Variants in TEAD2 observed in about 807,000 individuals in gnomAD.
The protein encoded by TEAD2 is transcriptional enhancer factor TEF-4.
A neutral mutation model predicts 61.4 loss-of-function variants in TEAD2; 51 were observed. The ratio of observed to expected loss-of-function variants is 0.83; its 90% CI spans 0.66 to 1.05. TEAD2 has a LOEUF of 1.05. Among genes scored for constraint, TEAD2 ranks in the 50% least tolerant of loss-of-function variants. TEAD2 has a pLI of 0.00. For synonymous variants in TEAD2, 244 were observed against 243.2 expected (o/e 1.00, Z -0.03); for missense variants, 509 against 600.0 (o/e 0.85, Z 1.58).
Position 49,342,543 on chromosome 19 carries a change from C to A in TEAD2, c.1137G>T (p.Leu379=). The A allele has an allele frequency of 6.2e-7, 1 of 1,614,058 alleles. No individual in the cohort carries two copies. ...LEDGRFVYRL[L]RSPMCEYLVN... ...CCAGGTACTCGCACATGGGCGAGCG[C>A]AGCAGGCGGTACACAAATCTGCCGT... The change falls in exon 12 of 13, where the codon CTG becomes CTT. Residue 379 remains leucine, a synonymous_variant. Coordinates refer to ENST00000593945, the MANE Select transcript of TEAD2 (RefSeq NM_001256660.2).
At chr19:49,358,048 C>T (rs2146600746) in intron 3 of TEAD2, among the ~76,000 whole-genome samples, 1 of 152,162 alleles carries the variant, frequency 6.6e-6, no homozygotes, top group South Asian at 2.1e-4. Flanking sequence ...GCCTGCCCAG[C>T]ATGGCGATAC....
chr19:49,355,483 G>T, intron 5 of TEAD2, 64 bp from the exon 6 acceptor site: 1 of 1,395,614 alleles, frequency 7.2e-7, no homozygotes, highest in Non-Finnish European at 1.0e-6. Flanking sequence ...AGAGGGGGAT[G>T]GTGCCAGGGT....
chr19:49,342,551 G>T lies in TEAD2; in HGVS notation c.1129C>A (p.Arg377Ser), dbSNP rs746687889. Residue 377 changes from arginine (R) to serine (S), a missense_variant, in exon 12 of 13, where the codon CGC (arginine) becomes AGC (serine). By Grantham distance (110) the Arg-to-Ser change is moderately radical. Transcript: ENST00000593945. ...AQLEDGRFVY[R>S]LLRSPMCEYL... is the part of the protein sequence containing the mutation. ...TCGCACATGGGCGAGCGCAGCAGGC[G>T]GTACACAAATCTGCCGTCCTCCAGC... The T allele has an allele frequency of 3.1e-6, 5 of 1,613,970 alleles. No homozygotes were observed. The highest frequency in any genetic ancestry group is 3.4e-6 in the Non-Finnish European group (4 of 1,179,924).
In TEAD2 at chr19:49,348,783, G is replaced by T. The variant is rs1345394177; in HGVS notation, c.667C>A (p.Gln223Lys). The T allele has an allele frequency of 1.9e-6, 3 of 1,612,840 alleles. No homozygotes were observed. The highest frequency in any genetic ancestry group is 1.1e-5 in the South Asian group (1 of 90,932). Residue 223 changes from glutamine to lysine, a missense_variant, in exon 9 of 13, where the codon CAG becomes AAG. Gln to Lys is a moderately conservative substitution (Grantham distance 53, BLOSUM62 1). Coordinates refer to ENST00000593945, the MANE Select transcript of TEAD2 (RefSeq NM_001256660.2). ...CGGGCGGTGCCCAGGCCCCGAGCCTGCCAGGCTGGGGGCGATGGGGTAGGT... is the reference window on the plus strand; with the variant it reads ...CGGGCGGTGCCCAGGCCCCGAGCCTTCCAGGCTGGGGGCGATGGGGTAGGT... Reference protein sequence around the residue: ...PPPTPSPPAWQARGLGTARLQ... With the variant: ...PPPTPSPPAWKARGLGTARLQ...
At position 49,357,313 on chromosome 19, in the gene TEAD2, A is replaced by G; in HGVS notation, c.299T>C (p.Val100Ala). 1 of 1,613,652 alleles carries G rather than the reference A, an allele frequency of 6.2e-7. No individual in the cohort carries two copies. Among genetic ancestry groups the G allele is most frequent in the South Asian group, 1.1e-5 (1 of 91,002 alleles). Reference sequence around the variant, plus strand: ...GGCCAAAACCTGGATGTGACTAGAAACCTGGAAGGATCAACGGAGAAGCAG... The same window carrying G: ...GGCCAAAACCTGGATGTGACTAGAAGCCTGGAAGGATCAACGGAGAAGCAG... Reference protein sequence around the residue: ...RTGKTRTRKQVSSHIQVLARR... With the variant: ...RTGKTRTRKQASSHIQVLARR... The change falls in exon 4 of 13, where the codon GTT becomes GCT. Residue 100 changes from valine to alanine, a missense_variant and splice_region_variant. Transcript: ENST00000593945.
intron 12 of TEAD2, 90 bp downstream of exon 12, chr19:49,342,348 G>T: frequency 6.6e-7 from 1 of 1,512,952 alleles, no homozygotes; most frequent in Non-Finnish European, 9.0e-7. Context: ...GTCAGTTCCT[G>T]GGTGAGGAGA....
chr19:49,341,441 C>T lies in TEAD2; in HGVS notation c.1243-4G>A, dbSNP rs1440278699. ...GGGTGTCTCTGTTTGTCACCACCTG[C>T]CAGGAAGGCCAGGACAAGGGACTTA... On this transcript the variant is annotated splice_polypyrimidine_tract_variant and splice_region_variant and intron_variant, in intron 12 of 12. Coordinates refer to ENST00000593945, the MANE Select transcript of TEAD2 (RefSeq NM_001256660.2). This position sits in a 1 kb window ranked among gnomAD's most constrained non-coding sequence, Gnocchi z 4.2. 6.2e-7 allele frequency: 1 copy of T among 1,612,198 alleles called. No homozygotes were observed. Among genetic ancestry groups the T allele is most frequent in the African/African-American group, 1.3e-5 (1 of 74,848 alleles).
chr19:49,361,207 G>GACAGAGACCCAGGGAGAGAGGGGA (rs1972887962), intron 1 of TEAD2, among the ~76,000 whole-genome samples: 1 of 100,116 alleles, frequency 1.0e-5, no homozygotes, highest in Non-Finnish European at 1.8e-5. Context: ...CAGAGAGGGA[G>GACAGAGACCCAGGGAGAGAGGGGA]ACAGAGACCC....
In TEAD2 at chr19:49,359,376, G is replaced by C. The variant is rs1228915823; in HGVS notation, c.297+59C>G. The C allele has an allele frequency of 5.2e-6, 8 of 1,545,478 alleles. No homozygotes were observed. Among genetic ancestry groups the C allele is most frequent in the Non-Finnish European group, 5.4e-6 (6 of 1,119,510 alleles). On this transcript the variant is annotated intron_variant, in intron 3 of 12. Coordinates refer to ENST00000593945, the MANE Select transcript of TEAD2 (RefSeq NM_001256660.2). The surrounding 1 kb of genome is among the most constrained non-coding windows in gnomAD (Gnocchi z 4.1). ...CTTGAACCTGAACCTGCCCATGCGA[G>C]GATGACCCTAAGAAGACCGGCCCAT...
intron 9 of TEAD2, among the ~76,000 whole-genome samples, chr19:49,347,756 C>T (rs1160949262): frequency 1.3e-5 from 2 of 152,168 alleles, no homozygotes; most frequent in Non-Finnish European, 2.9e-5. Context: ...GGGCAAAGCT[C>T]ACACCCCCTA....
Position 49,360,964 on chromosome 19 carries a change from AGGGGACAGAGACCCAGAGAGAGAG to A in TEAD2, c.-6-907_-6-884del, listed in dbSNP as rs1164382022. 5.1e-3 allele frequency among the ~76,000 whole-genome samples: 446 copies of A among 86,968 alleles called. 9 individuals carry two copies. The highest frequency in any genetic ancestry group is 0.021 in the African/African-American group (426 of 20,072). The allele number at this position is 86,968 out of a possible 152,430, so 57.1% of individuals were successfully genotyped here. On this transcript the variant is annotated intron_variant, in intron 1 of 12. Transcript: ENST00000593945. Reference sequence around the variant, plus strand: ...AGGGGGGGACAGAGACCAGTGACGGAGGGGACAGAGACCCAGAGAGAGAGGGGGACAGAGACCAGAGGGAGGGGG... The same window carrying A: ...AGGGGGGGACAGAGACCAGTGACGGAGGGGACAGAGACCAGAGGGAGGGGG...
At chr19:49,343,170 G>A in intron 11 of TEAD2, 61 bp downstream of exon 11, 1 of 1,527,536 alleles carries the variant, frequency 6.5e-7, no homozygotes, top group Non-Finnish European at 8.8e-7. Flanking sequence ...GAGTCATGAT[G>A]GCTTCTGGTC....
At chr19:49,361,352 TCAGAGAGAGGGCAACAGAGACC>T (rs1972915658) in intron 1 of TEAD2, 1 of 149,242 alleles carries the variant, frequency 6.7e-6, no homozygotes, top group Non-Finnish European at 1.5e-5. Context: ...GGACAGAGGC[TCAGAGAGAGGGCAACAGAGACC>T]CAGAGAAAGG....
rs201393859 is a variant in TEAD2 at position 49,348,813 on chromosome 19, G to A, written c.637C>T (p.Pro213Ser). ...YEPPQALSPL[P>S]PPTPSPPAWQ... is the part of the protein sequence containing the mutation. ...GCTGGGGGCGATGGGGTAGGTGGGG[G>A]CAGGGGTGAGAGGGCTTGGGGGGGC... Residue 213 changes from proline to serine, a missense_variant, in exon 9 of 13, where the codon CCC becomes TCC. Pro to Ser is a moderately conservative substitution (Grantham distance 74). Coordinates refer to ENST00000593945, the MANE Select transcript of TEAD2 (RefSeq NM_001256660.2). The A allele has an allele frequency of 1.5e-3, 2,441 of 1,600,508 alleles. 27 individuals are homozygous for A. In the African/African-American group the frequency reaches 0.028, roughly 18 times the overall value.
At chr19:49,361,150 G>T (rs1217314330) in intron 1 of TEAD2, among the ~76,000 whole-genome samples, 1 of 51,976 alleles carries the variant, frequency 1.9e-5, no homozygotes, top group Non-Finnish European at 3.4e-5. Context: ...GAGGGGGACA[G>T]AGACCGGGGG....
At position 49,341,341 on chromosome 19, in the gene TEAD2, G is replaced by A. The variant is rs766630607; in HGVS notation, c.1339C>T (p.Arg447Cys). 4.3e-6 allele frequency: 7 copies of A among 1,613,830 alleles called. No individual in the cohort carries two copies. Among genetic ancestry groups the A allele is most frequent in the African/African-American group, 1.3e-5 (1 of 74,904 alleles). The change falls in exon 13 of 13, where the codon CGC becomes TGC. Residue 447 changes from arginine to cysteine, a missense_variant. Coordinates refer to ENST00000593945, the MANE Select transcript of TEAD2 (RefSeq NM_001256660.2). The surrounding 1 kb of genome is among the most constrained non-coding windows in gnomAD (Gnocchi z 4.2). Reference protein sequence around the residue: ...SERGAQHHIYRLVRD With the variant: ...SERGAQHHIYCLVRD ...GTCCCCCTTCAGTCCCTGACCAGGC[G>A]GTAAATGTGATGCTGGGCCCCACGC...
intron 3 of TEAD2, 127 bp from the exon 4 acceptor site, chr19:49,357,441 G>A (rs1003489652): frequency 4.4e-5 from 44 of 1,002,584 alleles, no homozygotes; most frequent in African/African-American, 6.4e-5. Flanking sequence ...CACTGAAGAT[G>A]AGAGCCATCT....
At position 49,347,405 on chromosome 19, in the gene TEAD2, G is replaced by A. The variant is rs1192679413; in HGVS notation, c.748-42C>T. 3 of 1,591,218 alleles carry A rather than the reference G, an allele frequency of 1.9e-6. No homozygotes were observed. The South Asian group carries it at 3.3e-5, about 18-fold the overall frequency. On this transcript the variant is annotated intron_variant, in intron 9 of 12. Coordinates refer to ENST00000593945, the MANE Select transcript of TEAD2 (RefSeq NM_001256660.2). ...GTGGGTGAGAAGTCGGAGGTGAGCT[G>A]GATCTCCAGCCTGTGCTGCCTGAGC...
At chr19:49,342,738 G>T in intron 11 of TEAD2, 148 bp from the exon 12 acceptor site, 1 of 1,001,466 alleles carries the variant, frequency 1.0e-6, no homozygotes, top group South Asian at 1.6e-5. Context: ...ACAGTGACTG[G>T]AGACTGGGCC....
Sources: allele counts gnomAD v4.1 joint callset (sites outside exome capture counted in the v4.1 genomes callset), GRCh38; gene constraint gnomAD v4.1.1; non-coding constraint Gnocchi (gnomAD v3.1); transcripts MANE v1.5; gene names NCBI Gene and HGNC (gene_info 2026-07-23, HGNC 2026-07-21).